The following ATP2B1 variants were observed in gnomAD, a reference collection of about 807,000 sequenced individuals.
ATP2B1 encodes ATPase plasma membrane Ca2+ transporting 1.
ATP2B1 carries 14 observed loss-of-function variants against 124.2 expected under a neutral mutation model. That is an observed-to-expected ratio of 0.11 (90% confidence interval 0.07 to 0.18). The LOEUF is 0.18. ATP2B1 is among the 10% of genes least tolerant of loss of function. ATP2B1 has a pLI of 1.00. For missense variants in ATP2B1, 763 were observed against 1,466.1 expected (o/e 0.52, Z 7.83); for synonymous variants, 449 against 492.4 (o/e 0.91, Z 1.17).
chr12:89,620,600 C>T (rs1458920221), intron 10 of ATP2B1, among the ~76,000 whole-genome samples: 1 of 152,116 alleles, frequency 6.6e-6, no homozygotes, highest in African/African-American at 2.4e-5. Flanking sequence ...TTTTAATTTC[C>T]TTTTCCTGTT....
Position 89,588,074 on chromosome 12 carries a change from T to A in ATP2B1, c.*2910A>T, listed in dbSNP as rs1872942341. ...TTCAGAAACAGATAAACAGTATATT[T>A]ATTAAATGAGTTAAGACAAATAAAC... On this transcript the variant is annotated 3_prime_UTR_variant, in exon 21 of 21. Coordinates refer to ENST00000428670, the MANE Select transcript of ATP2B1 (RefSeq NM_001366521.1). The A allele has an allele frequency of 6.6e-6, 1 of 152,632 alleles. No individual in the cohort carries two copies. Among genetic ancestry groups the A allele is most frequent in the South Asian group, 2.1e-4 (1 of 4,834 alleles). 9.5% of individuals were successfully genotyped at this position (152,632 alleles called of 1,614,324 possible).
intron 11 of ATP2B1, among the ~76,000 whole-genome samples, chr12:89,617,555 T>A (rs965593280): frequency 6.6e-6 from 1 of 152,194 alleles, no homozygotes; most frequent in African/African-American, 2.4e-5. Context: ...TGAGAGTTAA[T>A]GCCAAAAGTT....
rs372204223 is a variant in ATP2B1, at chr12:89,642,181, T to C, written c.383A>G (p.Gln128Arg). ...ACGTGCATTATCCCCTTCTGGAGGC[T>C]GATAAAAAGAAAGGCCCAATGATAC... ...AIVSLGLSFY[Q>R]PPEGDNALCG... Residue 128 changes from glutamine (Q) to arginine (R), a missense_variant, in exon 3 of 21, where the codon CAG (glutamine) becomes CGG (arginine). Gln to Arg is a conservative substitution (Grantham distance 43). This residue lies in a region of ATP2B1 where 392 missense variants were observed against 776.6 expected (regional missense o/e 0.50). Transcript: ENST00000428670. 1 of 1,613,460 alleles carries C rather than the reference T, an allele frequency of 6.2e-7. No homozygotes were observed. The highest frequency in any genetic ancestry group is 8.5e-7 in the Non-Finnish European group (1 of 1,179,618).
At chr12:89,705,740 C>T (rs1892371951) in intron 1 of ATP2B1, among the ~76,000 whole-genome samples, 1 of 152,072 alleles carries the variant, frequency 6.6e-6, no homozygotes, top group Non-Finnish European at 1.5e-5. Flanking sequence ...TATCCCGGGG[C>T]CATATTCCAT....
chr12:89,603,938 T>C lies in ATP2B1; in HGVS notation c.2635-13A>G, dbSNP rs753894611. On this transcript the variant is annotated splice_polypyrimidine_tract_variant and intron_variant, in intron 16 of 20. Coordinates refer to ENST00000428670, the MANE Select transcript of ATP2B1 (RefSeq NM_001366521.1). This position sits in a 1 kb window ranked among gnomAD's most constrained non-coding sequence, Gnocchi z 4.3. ...TAAGCGGTGAGTCCTAGAAAAGATA[T>C]GTTTCCTAATAGACATTCACAACTA... The C allele has an allele frequency of 6.2e-6, 10 of 1,611,438 alleles. No homozygotes were observed. Among genetic ancestry groups the C allele is most frequent in the Non-Finnish European group, 8.5e-6 (10 of 1,178,200 alleles).
intron 1 of ATP2B1, among the ~76,000 whole-genome samples, chr12:89,667,694 GA>G (rs1887476667): frequency 6.6e-6 from 1 of 152,136 alleles, no homozygotes; most frequent in African/African-American, 2.4e-5. Context: ...AAGCATACTA[GA>G]AAGTAAAATT....
chr12:89,601,483 T>C, intron 18 of ATP2B1, 50 bp from the exon 19 acceptor site: 1 of 1,163,502 alleles, frequency 8.6e-7, no homozygotes, highest in Non-Finnish European at 1.2e-6. Context: ...ATTTTAAAAT[T>C]CATATACTTA....
intron 8 of ATP2B1, among the ~76,000 whole-genome samples, chr12:89,625,395 C>T (rs1050274494): frequency 6.6e-5 from 10 of 151,966 alleles, no homozygotes; most frequent in African/African-American, 2.4e-4. Context: ...ACCAGCCTGG[C>T]CAACACGGTG....
chr12:89,621,206 G>GT (rs1879905726), intron 10 of ATP2B1, among the ~76,000 whole-genome samples: 1 of 152,056 alleles, frequency 6.6e-6, no homozygotes, highest in Non-Finnish European at 1.5e-5. Context: ...AAAATTTTCT[G>GT]TAAGTTGAGA....
At chr12:89,610,162 A>C in intron 14 of ATP2B1, 119 bp from the exon 15 acceptor site, 1 of 980,382 alleles carries the variant, frequency 1.0e-6, no homozygotes, top group Non-Finnish European at 1.5e-6. Context: ...ACAAATATAA[A>C]AATGGAAATT....
At chr12:89,609,564 T>C (rs1185802405) in intron 15 of ATP2B1, among the ~76,000 whole-genome samples, 2 of 152,138 alleles carry the variant, frequency 1.3e-5, no homozygotes, top group Non-Finnish European at 2.9e-5. Context: ...ACTGAGTAGA[T>C]GAATGGAAGA....
intron 1 of ATP2B1, among the ~76,000 whole-genome samples, chr12:89,701,462 T>C (rs531257684): frequency 4.6e-5 from 7 of 152,302 alleles, no homozygotes; most frequent in African/African-American, 1.7e-4. Flanking sequence ...TTTTTTGGCA[T>C]ATTGGTTTAG....
At chr12:89,695,756 A>G (rs1012252988) in intron 1 of ATP2B1, among the ~76,000 whole-genome samples, 3 of 152,184 alleles carry the variant, frequency 2.0e-5, no homozygotes, top group African/African-American at 7.2e-5. Context: ...TTAGTATTCT[A>G]TTCTATTTAG....
At chr12:89,592,276 T>C (rs1873723719) in intron 20 of ATP2B1, among the ~76,000 whole-genome samples, 1 of 152,052 alleles carries the variant, frequency 6.6e-6, no homozygotes, top group Non-Finnish European at 1.5e-5. Flanking sequence ...TCAATTCAAA[T>C]ACAGTGTTTG....
At chr12:89,651,294 CAG>C (rs1885218844) in intron 2 of ATP2B1, among the ~76,000 whole-genome samples, 1 of 152,144 alleles carries the variant, frequency 6.6e-6, no homozygotes, top group Non-Finnish European at 1.5e-5. Flanking sequence ...GTTCTTGAGA[CAG>C]GGTCTCACTC....
At chr12:89,609,828 T>C (rs1877654962) in intron 15 of ATP2B1, 109 bp downstream of exon 15, 4 of 972,794 alleles carry the variant, frequency 4.1e-6, no homozygotes, top group Non-Finnish European at 3.1e-6. Flanking sequence ...CGAACTAATC[T>C]TGAGGGACAG....
At chr12:89,648,622 T>C (rs764525983) in intron 2 of ATP2B1, among the ~76,000 whole-genome samples, 3 of 152,162 alleles carry the variant, frequency 2.0e-5, no homozygotes, top group Admixed American at 6.5e-5. Flanking sequence ...GGACCTGTGG[T>C]AGAGAAGGAA....
At chr12:89,622,366 T>C (rs1394677221) in intron 9 of ATP2B1, among the ~76,000 whole-genome samples, 1 of 152,048 alleles carries the variant, frequency 6.6e-6, no homozygotes, top group East Asian at 1.9e-4. Flanking sequence ...TTTTTAGCTA[T>C]TCTATATGCT....
chr12:89,599,392 G>C (rs1290863461), intron 19 of ATP2B1, 93 bp from the exon 20 acceptor site: 1 of 1,338,026 alleles, frequency 7.5e-7, no homozygotes, highest in Non-Finnish European at 1.0e-6. Context: ...AGTGGTGAGA[G>C]TATCCGACTA....
Sources: allele counts gnomAD v4.1 joint callset (sites outside exome capture counted in the v4.1 genomes callset), GRCh38; gene constraint gnomAD v4.1.1; regional missense constraint gnomAD v4.1.1; non-coding constraint Gnocchi (gnomAD v3.1); transcripts MANE v1.5; gene names NCBI Gene and HGNC (gene_info 2026-07-23, HGNC 2026-07-21).